The following STAU1 variants were observed in gnomAD, a reference collection of about 807,000 sequenced individuals.
STAU1 encodes double-stranded RNA-binding protein Staufen homolog 1.
In STAU1, 13 loss-of-function variants were observed where a neutral mutation model predicts 62.9. That is an observed-to-expected ratio of 0.21 (90% CI 0.13 to 0.33). The LOEUF is 0.33. Among genes scored for constraint, STAU1 ranks in the 10% least tolerant of loss-of-function variants. STAU1 has a pLI of 1.00. For missense variants in STAU1, 571 were observed against 712.1 expected, an observed-to-expected ratio of 0.80 and a Z score of 2.25; for synonymous variants, 269 against 265.1, an observed-to-expected ratio of 1.01 and a Z score of -0.14.
At chr20:49,184,347 A>G (rs1176699711) in intron 1 of STAU1, among the ~76,000 whole-genome samples, 2 of 152,044 alleles carry the variant, frequency 1.3e-5, no homozygotes, top group Non-Finnish European at 2.9e-5. Context: ...AGCCTATCTC[A>G]GCAGCTTAGG....
At chr20:49,135,660 T>A (rs2092864051) in intron 6 of STAU1, among the ~76,000 whole-genome samples, 173 bp downstream of exon 6, 1 of 152,160 alleles carries the variant, frequency 6.6e-6, no homozygotes. Flanking sequence ...AGTTACGGAC[T>A]CCCAGAAGAA....
At chr20:49,172,327 T>C (rs1303896192) in intron 2 of STAU1, among the ~76,000 whole-genome samples, 3 of 152,252 alleles carry the variant, frequency 2.0e-5, no homozygotes, top group Non-Finnish European at 4.4e-5. Flanking sequence ...TAAAACTTTA[T>C]CAAGCTTCCG....
At chr20:49,141,206 A>G (rs1379622676) in intron 5 of STAU1, among the ~76,000 whole-genome samples, 1 of 152,222 alleles carries the variant, frequency 6.6e-6, no homozygotes, top group African/African-American at 2.4e-5. Context: ...ACAGAAAAGT[A>G]CAGATAATAA....
intron 4 of STAU1, among the ~76,000 whole-genome samples, chr20:49,152,412 C>T (rs1245627078): frequency 1.5e-5 from 2 of 135,740 alleles, no homozygotes; most frequent in African/African-American, 2.8e-5. Context: ...GGTGCGATCT[C>T]GGCTCACTGC....
intron 6 of STAU1, 146 bp from the exon 7 acceptor site, chr20:49,124,733 A>T (rs183565262): frequency 2.6e-4 from 205 of 791,248 alleles, no homozygotes; most frequent in Non-Finnish European, 6.1e-6. Flanking sequence ...GATCATTTCA[A>T]ATGCTTTCTC....
intron 5 of STAU1, among the ~76,000 whole-genome samples, chr20:49,149,908 C>T (rs914994019): frequency 6.6e-6 from 1 of 152,252 alleles, no homozygotes; most frequent in Admixed American, 6.5e-5. Flanking sequence ...GGGTCTACAC[C>T]TCTCATCACA....
chr20:49,205,949 C>T, the STAU1 span, among the ~76,000 whole-genome samples: 2 of 151,278 alleles, frequency 1.3e-5, no homozygotes, highest in African/African-American at 4.9e-5. Context: ...GCTGGGATTA[C>T]AGGTGTGAGC....
chr20:49,121,705 G>T (rs2092468377), intron 8 of STAU1, among the ~76,000 whole-genome samples: 1 of 152,202 alleles, frequency 6.6e-6, no homozygotes, highest in Non-Finnish European at 1.5e-5. Flanking sequence ...CACATCCTTT[G>T]TGTCAGTAAA....
At chr20:49,120,455 T>C (rs1440265408) in intron 8 of STAU1, among the ~76,000 whole-genome samples, 1 of 152,248 alleles carries the variant, frequency 6.6e-6, no homozygotes, top group African/African-American at 2.4e-5. Flanking sequence ...CAGTCTGTGA[T>C]GGTGAACTAC....
chr20:49,117,315 G>A lies in STAU1; in HGVS notation c.1510-67C>T. 6.4e-7 allele frequency: 1 copy of A among 1,570,070 alleles called. No homozygotes were observed. The highest frequency in any genetic ancestry group is 8.7e-7 in the Non-Finnish European group (1 of 1,149,428). ...AGTATGAGTGGGCTGGAGGGCTGCA[G>A]CTCCAGGCCCCACAAGCAAGATCAC... On this transcript the variant is annotated intron_variant, in intron 11 of 13. Transcript: ENST00000371856. The surrounding 1 kb of genome is among the most constrained non-coding windows in gnomAD (Gnocchi z 4.6).
At chr20:49,206,194 A>G in the STAU1 span, among the ~76,000 whole-genome samples, 1 of 146,076 alleles carries the variant, frequency 6.8e-6, no homozygotes, top group Non-Finnish European at 1.5e-5. Flanking sequence ...GGGTTTTACC[A>G]TATTGGCTAG....
the STAU1 span, among the ~76,000 whole-genome samples, chr20:49,196,260 C>A: frequency 6.7e-6 from 1 of 149,202 alleles, no homozygotes; most frequent in Non-Finnish European, 1.5e-5. Context: ...CACAGTGAAA[C>A]CCCGTCTCTA....
chr20:49,182,649 T>A (rs889502220), intron 1 of STAU1, among the ~76,000 whole-genome samples: 1 of 152,074 alleles, frequency 6.6e-6, no homozygotes, highest in African/African-American at 2.4e-5. Context: ...CCATTCTAGC[T>A]AACACGGTGA....
At chr20:49,119,741 G>A (rs183072321) in intron 9 of STAU1, among the ~76,000 whole-genome samples, 109 of 152,160 alleles carry the variant, frequency 7.2e-4, no homozygotes, top group Non-Finnish European at 1.0e-3. Flanking sequence ...TCCACAAAGC[G>A]TCCCCAGACC....
chr20:49,171,236 C>A (rs1284214823), intron 2 of STAU1, among the ~76,000 whole-genome samples: 4 of 152,190 alleles, frequency 2.6e-5, no homozygotes, highest in African/African-American at 7.2e-5. Context: ...AAATAAAGTC[C>A]TTTTCAATAG....
chr20:49,147,568 C>A (rs1008234494), intron 5 of STAU1, among the ~76,000 whole-genome samples: 2 of 152,256 alleles, frequency 1.3e-5, no homozygotes, highest in Non-Finnish European at 1.5e-5. Context: ...CTGTGGAGAA[C>A]TTGGCCATAT....
intron 3 of STAU1, among the ~76,000 whole-genome samples, chr20:49,162,775 CAAAAAA>C (rs933683643): frequency 2.6e-5 from 2 of 77,690 alleles, no homozygotes; most frequent in Non-Finnish European, 2.7e-5. Flanking sequence ...GACTCCGTCT[CAAAAAA>C]AAAAAAAACA....
rs376248998 is a variant in STAU1 at position 49,135,770 on chromosome 20, A to G, written c.609+63T>C. 4.0e-6 allele frequency: 5 copies of G among 1,237,650 alleles called. No homozygotes were observed. The African/African-American group carries it at 7.5e-5, about 19-fold the overall frequency. The allele number at this position is 1,237,650 out of a possible 1,614,324, so 76.7% of individuals were successfully genotyped here. Reference sequence around the variant, plus strand: ...CCAATGATATTTAGGGGAAAAAATAACTCTTATGATGAATGCTAACAGGAT... The same window carrying G: ...CCAATGATATTTAGGGGAAAAAATAGCTCTTATGATGAATGCTAACAGGAT... On this transcript the variant is annotated intron_variant, in intron 6 of 13. Transcript: ENST00000371856.
chr20:49,186,163 T>A (rs1487506497), intron 1 of STAU1, among the ~76,000 whole-genome samples: 2 of 151,878 alleles, frequency 1.3e-5, no homozygotes, highest in African/African-American at 4.8e-5. Context: ...CTGGCCAACA[T>A]GGCAAAACCC....
Sources: allele counts gnomAD v4.1 joint callset (sites outside exome capture counted in the v4.1 genomes callset), GRCh38; gene constraint gnomAD v4.1.1; non-coding constraint Gnocchi (gnomAD v3.1); transcripts MANE v1.5; gene names NCBI Gene and HGNC (gene_info 2026-07-23, HGNC 2026-07-21).